The following SETBP1 variants were observed in gnomAD, a reference collection of about 807,000 sequenced individuals.
The protein encoded by SETBP1 is SET binding protein 1, also known as SET-binding protein.
A neutral mutation model predicts 101.0 loss-of-function variants in SETBP1; 9 were observed. The ratio of observed to expected loss-of-function variants is 0.09; its 90% confidence interval spans 0.05 to 0.16. The LOEUF (loss-of-function observed/expected upper bound fraction) is 0.16, where lower values mean the gene tolerates loss of function less well. Among genes scored for constraint, SETBP1 ranks in the 10% least tolerant of loss-of-function variants. The pLI is 1.00. For synonymous variants in SETBP1, 818 were observed against 788.5 expected, an observed-to-expected ratio of 1.04 and a Z score of -0.63; for missense variants, 1,858 against 2,033.8, an observed-to-expected ratio of 0.91 and a Z score of 1.66.
intron 2 of SETBP1, among the ~76,000 whole-genome samples, chr18:44,853,272 AG>A (rs2072908154): frequency 6.6e-6 from 1 of 152,168 alleles, no homozygotes; most frequent in Non-Finnish European, 1.5e-5. Context: ...AGAGATTTAG[AG>A]GGCCAGGTGT....
chr18:44,947,310 A>G (rs1454746616), intron 3 of SETBP1, among the ~76,000 whole-genome samples: 1 of 152,104 alleles, frequency 6.6e-6, no homozygotes, highest in Admixed American at 6.6e-5. Context: ...AGATAATGGA[A>G]CAGCAGAGAA....
chr18:44,701,039 C>A, intron 1 of SETBP1, 136 bp from the exon 2 acceptor site: 1 of 273,528 alleles, frequency 3.7e-6, no homozygotes, highest in East Asian at 6.4e-5. Context: ...TGTGCTTATT[C>A]TGGTTAGCTG....
At chr18:44,907,785 T>C (rs2070209804) in intron 3 of SETBP1, among the ~76,000 whole-genome samples, 1 of 152,220 alleles carries the variant, frequency 6.6e-6, no homozygotes, top group African/African-American at 2.4e-5. Context: ...ATTTTCCTTT[T>C]ATTGTATGAG....
intron 3 of SETBP1, among the ~76,000 whole-genome samples, chr18:44,883,133 A>G (rs191295691): frequency 1.3e-3 from 194 of 152,294 alleles, no homozygotes; most frequent in Admixed American, 3.2e-3. Flanking sequence ...GGAATGGAAA[A>G]TATTCAGTGA....
chr18:44,927,941 A>G (rs2070741190), intron 3 of SETBP1, among the ~76,000 whole-genome samples: 1 of 152,138 alleles, frequency 6.6e-6, no homozygotes, highest in Non-Finnish European at 1.5e-5. Flanking sequence ...CATTATATAT[A>G]TAATTATACT....
At chr18:44,713,173 G>A (rs866309142) in intron 2 of SETBP1, among the ~76,000 whole-genome samples, 1 of 151,746 alleles carries the variant, frequency 6.6e-6, no homozygotes, top group South Asian at 2.1e-4. Flanking sequence ...TCAGCCGGAT[G>A]GTCTCGATCT....
intron 2 of SETBP1, among the ~76,000 whole-genome samples, chr18:44,786,573 A>G (rs1208476658): frequency 6.6e-6 from 1 of 152,242 alleles, no homozygotes; most frequent in Non-Finnish European, 1.5e-5. Context: ...GGTAAAGATC[A>G]AGGGTAACAG....
chr18:44,796,702 T>C (rs986026553), intron 2 of SETBP1, among the ~76,000 whole-genome samples: 9 of 152,216 alleles, frequency 5.9e-5, no homozygotes, highest in Admixed American at 3.9e-4. Flanking sequence ...AATACTGTTA[T>C]GATAGCCTTC....
Position 44,761,057 on chromosome 18 carries a change from G to A in SETBP1, c.486+59225G>A, listed in dbSNP as rs192554096. 1.8e-4 allele frequency among the ~76,000 whole-genome samples: 27 copies of A among 152,078 alleles called. 1 individual carries two copies. Among genetic ancestry groups the A allele is most frequent in the Admixed American group, 1.7e-3 (26 of 15,278 alleles). The stretch of plus-strand genomic sequence containing the variant: ...GATTGACTTAGAACTTTTACATTGA[G>A]GTCATCTTTAATTCTCACCACAAAA... On this transcript the variant is annotated intron_variant, in intron 2 of 5. Coordinates refer to ENST00000649279, the MANE Select transcript of SETBP1 (RefSeq NM_015559.3).
At position 44,860,342 on chromosome 18, in the gene SETBP1, T is replaced by C. The variant is rs551980417; in HGVS notation, c.487-8888T>C. ...GGAAGGAAAGGACCTACAACCCAGA[T>C]TGTGCTCCTGAGAAGCAACATATCT... On this transcript the variant is annotated intron_variant, in intron 2 of 5. Coordinates refer to ENST00000649279, the MANE Select transcript of SETBP1 (RefSeq NM_015559.3). Among the ~76,000 whole-genome samples the C allele has an allele frequency of 1.8e-4, 27 of 152,332 alleles. No individual in the cohort carries two copies. The South Asian group carries it at 4.4e-3, about 25-fold the overall frequency.
chr18:44,684,106 G>T (rs1255426869), intron 1 of SETBP1, among the ~76,000 whole-genome samples: 3 of 152,174 alleles, frequency 2.0e-5, no homozygotes. Context: ...ACATCATTTT[G>T]TCTGGTCCTG....
At chr18:44,759,008 A>G (rs1568128626) in intron 2 of SETBP1, among the ~76,000 whole-genome samples, 1 of 152,214 alleles carries the variant, frequency 6.6e-6, no homozygotes, top group Non-Finnish European at 1.5e-5. Flanking sequence ...CTTCAAAACT[A>G]GTCTCTCTAA....
chr18:45,017,174 G>A (rs559322359), intron 4 of SETBP1, among the ~76,000 whole-genome samples: 77 of 152,228 alleles, frequency 5.1e-4, no homozygotes, highest in African/African-American at 1.8e-3. Flanking sequence ...CAGTGCTCCA[G>A]GCTTTGGAGA....
intron 2 of SETBP1, among the ~76,000 whole-genome samples, chr18:44,728,531 C>T (rs111331860): frequency 6.6e-6 from 1 of 152,124 alleles, no homozygotes; most frequent in Non-Finnish European, 1.5e-5. Context: ...AGTCATTGTA[C>T]TCATCATTAA....
At chr18:44,844,023 G>A (rs952742421) in intron 2 of SETBP1, among the ~76,000 whole-genome samples, 2 of 152,122 alleles carry the variant, frequency 1.3e-5, no homozygotes, top group Non-Finnish European at 2.9e-5. Context: ...TTTTACCAAA[G>A]GCTCAATTTT....
At chr18:45,050,652 G>A (rs1012665974) in intron 5 of SETBP1, among the ~76,000 whole-genome samples, 1 of 152,220 alleles carries the variant, frequency 6.6e-6, no homozygotes, top group Non-Finnish European at 1.5e-5. Flanking sequence ...GGAACTGATC[G>A]AAGGAATGGA....
At chr18:44,939,522 T>C (rs1395513633) in intron 3 of SETBP1, among the ~76,000 whole-genome samples, 2 of 152,228 alleles carry the variant, frequency 1.3e-5, no homozygotes, top group Admixed American at 6.5e-5. Flanking sequence ...TAAGCTGCTA[T>C]AAAGTTTTTA....
intron 3 of SETBP1, among the ~76,000 whole-genome samples, chr18:44,922,778 A>G (rs1290826736): frequency 2.6e-5 from 4 of 152,202 alleles, no homozygotes; most frequent in African/African-American, 9.6e-5. Flanking sequence ...TTTCAAGCTA[A>G]AGGGGCACAG....
chr18:44,757,864 A>T (rs1484785119), intron 2 of SETBP1, among the ~76,000 whole-genome samples: 1 of 152,070 alleles, frequency 6.6e-6, no homozygotes, highest in East Asian at 1.9e-4. Flanking sequence ...TTGTTGCTAA[A>T]CCTATCACAA....
Sources: gnomAD v4.1 joint callset for allele counts (sites outside exome capture counted in the v4.1 genomes callset) on GRCh38, gnomAD v4.1.1 for gene constraint, MANE v1.5 for transcripts, NCBI Gene and HGNC (gene_info 2026-07-23, HGNC 2026-07-21) for gene names.